Variants in MAP3K19 observed in about 807,000 individuals in gnomAD.
MAP3K19 encodes mitogen-activated protein kinase kinase kinase 19, also known as SPS1/STE20-related protein kinase YSK4.
A neutral mutation model predicts 114.4 loss-of-function variants in MAP3K19; 91 were observed. The observed-to-expected ratio is 0.80, with a 90% CI of 0.67 to 0.95. MAP3K19 has a LOEUF of 0.95. Among genes scored for constraint, MAP3K19 ranks in the 40% least tolerant of loss-of-function variants. The probability of loss-of-function intolerance (pLI) is 0.00; values close to 1 mark genes in which losing one functional copy is unlikely to be tolerated. For synonymous variants in MAP3K19, 518 were observed against 530.5 expected (o/e 0.98, Z 0.32); for missense variants, 1,471 against 1,573.2 (o/e 0.94, Z 1.10).
At chr2:134,980,596 T>TA (rs769215437) in intron 12 of MAP3K19, 13 of 524,302 alleles carry the variant, frequency 2.5e-5, no homozygotes, top group African/African-American at 2.3e-4. Context: ...ATAAGACATT[T>TA]AATTGAGGCA....
Position 134,987,054 on chromosome 2 carries a change from A to G in MAP3K19, c.1818T>C (p.Thr606=), listed in dbSNP as rs759532150. The change falls in exon 10 of 13, where the codon ACT becomes ACC. Residue 606 remains threonine, a synonymous_variant. Transcript: ENST00000392915. ...QIAKKQSTHR[T]QKPKKQSFPC... ...GAAATGATTGCTTTTTAGGTTTCTG[A>G]GTCCGGTGAGTTGATTGCTTCTTTG... The G allele has an allele frequency of 1.2e-6, 2 of 1,612,776 alleles. No homozygotes were observed. The highest frequency in any genetic ancestry group is 1.7e-6 in the Non-Finnish European group (2 of 1,180,012).
Position 135,023,344 on chromosome 2 carries a change from G to A in MAP3K19, c.22+1282C>T, listed in dbSNP as rs1475132699. The A allele has an allele frequency of 3.9e-5, 18 of 458,586 alleles. 1 individual carries two copies. Among genetic ancestry groups the A allele is most frequent in the South Asian group, 2.4e-4 (15 of 61,630 alleles). The allele number at this position is 458,586 out of a possible 1,614,324, so 28.4% of individuals were successfully genotyped here. A position where few individuals can be genotyped will look rare whatever the true frequency, so the allele number is the denominator to read the frequency against. ...CCACCGCTCCTCTCTATCTGCGGGT[G>A]CACCTCCTCGGCTCAGCCCTCTGCA... On this transcript the variant is annotated intron_variant, in intron 4 of 12. Coordinates refer to ENST00000392915, the MANE Select transcript of MAP3K19 (RefSeq NM_025052.5).
chr2:135,003,743 G>C (rs188492513), intron 6 of MAP3K19, among the ~76,000 whole-genome samples: 1 of 151,880 alleles, frequency 6.6e-6, no homozygotes, highest in African/African-American at 2.4e-5. Context: ...TAGTAGAGAC[G>C]GGGTTTCACC....
intron 5 of MAP3K19, among the ~76,000 whole-genome samples, chr2:135,012,115 T>C (rs1428871703): frequency 6.6e-6 from 1 of 152,230 alleles, no homozygotes; most frequent in Non-Finnish European, 1.5e-5. Context: ...CAACCTTCAA[T>C]ATTGTGACAA....
chr2:134,986,337 G>A lies in MAP3K19; in HGVS notation c.2535C>T (p.His845=), dbSNP rs752357609. 1 of 1,613,718 alleles carries A rather than the reference G, an allele frequency of 6.2e-7. No individual in the cohort carries two copies. Reference sequence around the variant, plus strand: ...CTTCTGAAGGGATAAATGGGATCTGGTGATGTAGCTCTTCAAGTTCTTGCA... The same window carrying A: ...CTTCTGAAGGGATAAATGGGATCTGATGATGTAGCTCTTCAAGTTCTTGCA... The part of the protein sequence containing the change: ...RDLQELEELH[H]QIPFIPSEDS... Residue 845 remains histidine, a synonymous_variant, in exon 10 of 13, where the codon CAC becomes CAT. Coordinates refer to ENST00000392915, the MANE Select transcript of MAP3K19 (RefSeq NM_025052.5).
At chr2:135,034,832 AG>A (rs1688491429) in intron 2 of MAP3K19, among the ~76,000 whole-genome samples, 1 of 2,776 alleles carries the variant, frequency 3.6e-4, no homozygotes, top group Non-Finnish European at 6.5e-4. Flanking sequence ...GGAGAGGGGG[AG>A]GGGGAGGGGG....
rs758584323 is a variant in MAP3K19, at chr2:134,981,143, T to C, written c.3598A>G (p.Ile1200Val). ...NNVMLMPTGI[I>V]KLIDFGCARR... ...GCACAGCCAAAGTCAATCAGCTTTATTATTCCAGTTGGCATGAGCATAACA... is the reference window on the plus strand; with the variant it reads ...GCACAGCCAAAGTCAATCAGCTTTACTATTCCAGTTGGCATGAGCATAACA... The change falls in exon 12 of 13, where the codon ATA becomes GTA. Residue 1200 changes from isoleucine to valine, a missense_variant. Transcript: ENST00000392915. 3 of 1,614,204 alleles carry C rather than the reference T, an allele frequency of 1.9e-6. No individual in the cohort carries two copies. Among genetic ancestry groups the C allele is most frequent in the Non-Finnish European group, 2.5e-6 (3 of 1,180,044 alleles).
At chr2:135,006,341 T>A (rs1195643139) in intron 5 of MAP3K19, among the ~76,000 whole-genome samples, 1 of 152,180 alleles carries the variant, frequency 6.6e-6, no homozygotes, top group Non-Finnish European at 1.5e-5. Flanking sequence ...GTGGACTACC[T>A]ATTTAAGGGG....
chr2:135,005,877 G>A (rs890601891), intron 5 of MAP3K19, among the ~76,000 whole-genome samples: 3 of 152,182 alleles, frequency 2.0e-5, no homozygotes, highest in Non-Finnish European at 1.5e-5. Context: ...TTTGGCCACA[G>A]TCACAGTGAA....
At chr2:135,015,035 T>C (rs990218199) in intron 5 of MAP3K19, among the ~76,000 whole-genome samples, 2 of 152,220 alleles carry the variant, frequency 1.3e-5, no homozygotes, top group South Asian at 2.1e-4. Context: ...GGTAAACATA[T>C]GATGCATTTC....
chr2:134,993,029 T>C (rs1685723799), intron 8 of MAP3K19, among the ~76,000 whole-genome samples: 1 of 152,118 alleles, frequency 6.6e-6, no homozygotes, highest in Non-Finnish European at 1.5e-5. Context: ...TGCTTATTTA[T>C]TTAAAATTTT....
intron 6 of MAP3K19, among the ~76,000 whole-genome samples, 185 bp downstream of exon 6, chr2:135,005,250 C>A (rs1686731999): frequency 6.6e-6 from 1 of 152,034 alleles, no homozygotes; most frequent in South Asian, 2.1e-4. Flanking sequence ...ATTTTATCAC[C>A]CAGGTATTAA....
At chr2:135,011,048 A>G (rs1219670455) in intron 5 of MAP3K19, among the ~76,000 whole-genome samples, 5 of 152,200 alleles carry the variant, frequency 3.3e-5, no homozygotes, top group African/African-American at 4.8e-5. Flanking sequence ...TTTGTAAACT[A>G]TAAAAACCTA....
At chr2:135,012,530 T>G (rs1356082752) in intron 5 of MAP3K19, among the ~76,000 whole-genome samples, 1 of 152,180 alleles carries the variant, frequency 6.6e-6, no homozygotes, top group African/African-American at 2.4e-5. Context: ...TTATTTTTAA[T>G]TTTCACTTAA....
chr2:134,976,764 C>T (rs1359860225), intron 12 of MAP3K19, among the ~76,000 whole-genome samples: 1 of 149,326 alleles, frequency 6.7e-6, no homozygotes, highest in South Asian at 2.1e-4. Flanking sequence ...AAAAAAAATA[C>T]AGCAAGGCAC....
intron 3 of MAP3K19, among the ~76,000 whole-genome samples, chr2:135,027,677 A>C (rs1688292611): frequency 6.6e-6 from 1 of 152,222 alleles, no homozygotes; most frequent in Admixed American, 6.5e-5. Context: ...TATATCCAGG[A>C]ACTCTTCAGA....
At chr2:135,028,585 A>C in intron 3 of MAP3K19, among the ~76,000 whole-genome samples, 1 of 152,056 alleles carries the variant, frequency 6.6e-6, no homozygotes, top group East Asian at 1.9e-4. Context: ...TTTAAAAAAA[A>C]CAACTAACTT....
Position 135,029,698 on chromosome 2 carries a change from C to G in MAP3K19, c.-95+614G>C, listed in dbSNP as rs962639509. Among the ~76,000 whole-genome samples the G allele has an allele frequency of 2.2e-3, 331 of 152,290 alleles. 3 individuals are homozygous for G. The highest frequency in any genetic ancestry group is 6.9e-4 in the Non-Finnish European group (47 of 68,022). On this transcript the variant is annotated intron_variant, in intron 3 of 12. Coordinates refer to ENST00000392915, the MANE Select transcript of MAP3K19 (RefSeq NM_025052.5). ...TTGGAAGGTCACATGGTCTGACAGT[C>G]TCTTTGAAGGTAAATGCCAAGAGTA...
intron 9 of MAP3K19, among the ~76,000 whole-genome samples, chr2:134,991,164 G>T (rs1257756928): frequency 6.6e-6 from 1 of 152,058 alleles, no homozygotes; most frequent in African/African-American, 2.4e-5. Flanking sequence ...AGCCGGGCGT[G>T]GTGGCGGGTG....
Sources: gnomAD v4.1 joint callset for allele counts (sites outside exome capture counted in the v4.1 genomes callset) on GRCh38, gnomAD v4.1.1 for gene constraint, MANE v1.5 for transcripts, NCBI Gene and HGNC (gene_info 2026-07-23, HGNC 2026-07-21) for gene names.